Variants in LRRFIP1 observed in about 807,000 individuals in gnomAD.
The protein encoded by LRRFIP1 is LRR binding FLII interacting protein 1.
Under a neutral mutation model 104.4 loss-of-function variants are expected in LRRFIP1, and 62 were observed. The ratio of observed to expected loss-of-function variants is 0.59; its 90% CI spans 0.48 to 0.73. The LOEUF (loss-of-function observed/expected upper bound fraction) is 0.73. Ranked by LOEUF, LRRFIP1 falls within the 30% of genes least tolerant of loss-of-function variation. The pLI, the probability that LRRFIP1 is intolerant of heterozygous loss-of-function variation, is 0.00. For synonymous variants in LRRFIP1, 300 were observed against 299.0 expected, an observed-to-expected ratio of 1.00 and a Z score of -0.03; for missense variants, 796 against 824.5, an observed-to-expected ratio of 0.97 and a Z score of 0.42.
In LRRFIP1 at chr2:237,748,290, T is replaced by C. The variant is rs1576202237; in HGVS notation, c.634-74T>C. 48 of 1,086,010 alleles carry C rather than the reference T, an allele frequency of 4.4e-5. 1 individual carries two copies. The East Asian group carries it at 1.1e-3, about 26-fold the overall frequency. The allele number at this position is 1,086,010 out of a possible 1,614,324, so 67.3% of individuals were successfully genotyped here. A position where few individuals can be genotyped will look rare whatever the true frequency, so the allele number is the denominator to read the frequency against. On this transcript the variant is annotated intron_variant, in intron 11 of 23. Transcript: ENST00000308482. The stretch of plus-strand genomic sequence containing the variant: ...ATGTTTTGTTTTGTTTTGTTTATCA[T>C]TCATAGCCCCATCTTCATGTTATCC...
intron 1 of LRRFIP1, among the ~76,000 whole-genome samples, chr2:237,640,786 C>T (rs960894464): frequency 2.6e-5 from 4 of 152,236 alleles, no homozygotes; most frequent in Middle Eastern, 6.3e-3. Context: ...CCAGAAAGTA[C>T]TGTGTGGCCC....
Position 237,780,603 on chromosome 2 carries a change from T to C in LRRFIP1, c.*1071T>C, listed in dbSNP as rs951525276. ...GTTCATATATGTTGTATTTCAAGTA[T>C]GGCTGGTGAAGCCAGTCAGCTTTTC... On this transcript the variant is annotated 3_prime_UTR_variant, in exon 24 of 24. Transcript: ENST00000308482. Among the ~76,000 whole-genome samples the C allele has an allele frequency of 3.3e-5, 5 of 152,210 alleles. No homozygotes were observed. The highest frequency in any genetic ancestry group is 7.2e-5 in the African/African-American group (3 of 41,458).
chr2:237,739,896 G>A (rs1021065379), intron 11 of LRRFIP1, among the ~76,000 whole-genome samples: 4 of 152,132 alleles, frequency 2.6e-5, no homozygotes, highest in African/African-American at 9.7e-5. Context: ...GATGCTTGAA[G>A]GCGACCCTAT....
chr2:237,745,339 C>T lies in LRRFIP1; in HGVS notation c.634-3025C>T, dbSNP rs1003629112. Among the ~76,000 whole-genome samples, 24 of 152,286 alleles carry T rather than the reference C, an allele frequency of 1.6e-4. No individual in the cohort carries two copies. In the South Asian group the frequency reaches 1.7e-3, roughly 11 times the overall value. ...CTATGTAAAATAGAGATAGGTTAGA[C>T]GTTCATTTGCCATCACCTTTCAACA... On this transcript the variant is annotated intron_variant, in intron 11 of 23. Coordinates refer to ENST00000308482, the MANE Select transcript of LRRFIP1 (RefSeq NM_001137550.2).
chr2:237,670,706 T>G (rs571512017), intron 1 of LRRFIP1, among the ~76,000 whole-genome samples: 1 of 152,318 alleles, frequency 6.6e-6, no homozygotes, highest in African/African-American at 2.4e-5. Flanking sequence ...CCTGCCTGCC[T>G]GGGCCCAGCT....
intron 13 of LRRFIP1, among the ~76,000 whole-genome samples, chr2:237,750,556 T>C (rs1424685273): frequency 6.6e-6 from 1 of 152,008 alleles, no homozygotes; most frequent in East Asian, 1.9e-4. Context: ...AGGCTGGTCT[T>C]GAACTCCTGA....
Position 237,779,756 on chromosome 2 carries a change from C to T in LRRFIP1, c.*224C>T, listed in dbSNP as rs1018151595. On this transcript the variant is annotated 3_prime_UTR_variant, in exon 24 of 24. Transcript: ENST00000308482. ...CCCCTGGCCCGGGCTGGCGCCGACG[C>T]TCAGAACCTGCAGGTACTTCATAAG... 2 of 432,662 alleles carry T rather than the reference C, an allele frequency of 4.6e-6. No individual in the cohort carries two copies. Among genetic ancestry groups the T allele is most frequent in the Non-Finnish European group, 4.3e-6 (1 of 233,678 alleles). 26.8% of individuals were successfully genotyped at this position (432,662 alleles called of 1,614,324 possible).
intron 13 of LRRFIP1, among the ~76,000 whole-genome samples, chr2:237,750,571 A>G (rs1265884242): frequency 6.6e-6 from 1 of 151,738 alleles, no homozygotes; most frequent in South Asian, 2.1e-4. Context: ...TCCTGACCTC[A>G]GGTGATCCAC....
intron 1 of LRRFIP1, among the ~76,000 whole-genome samples, chr2:237,685,114 C>T (rs983754904): frequency 6.9e-6 from 1 of 144,040 alleles, no homozygotes; most frequent in Non-Finnish European, 1.5e-5. Flanking sequence ...ACCCTCCCCC[C>T]CCCACACAAA....
At chr2:237,726,174 G>A (rs75950009) in intron 7 of LRRFIP1, among the ~76,000 whole-genome samples, 2,017 of 152,228 alleles carry the variant, frequency 0.013, 27 homozygotes, top group African/African-American at 0.044. Flanking sequence ...ATTTATTTCA[G>A]AAATGTTTTA....
At chr2:237,697,959 C>T (rs911092843) in intron 1 of LRRFIP1, among the ~76,000 whole-genome samples, 1 of 152,210 alleles carries the variant, frequency 6.6e-6, no homozygotes, top group Non-Finnish European at 1.5e-5. Context: ...TAGAAGTTCA[C>T]TTGCATGGAA....
chr2:237,630,103 C>T (rs1402974920), intron 1 of LRRFIP1, among the ~76,000 whole-genome samples: 2 of 152,192 alleles, frequency 1.3e-5, no homozygotes, highest in Admixed American at 6.5e-5. Flanking sequence ...TTCTTACACG[C>T]CCCTCCCGGT....
At chr2:237,772,770 T>C in intron 21 of LRRFIP1, 96 bp from the exon 22 acceptor site, 1 of 834,102 alleles carries the variant, frequency 1.2e-6, no homozygotes, top group African/African-American at 1.7e-5. Context: ...ATTTGTGAGA[T>C]GATTACAAAG....
intron 1 of LRRFIP1, among the ~76,000 whole-genome samples, chr2:237,668,012 T>C (rs1199351035): frequency 6.6e-6 from 1 of 152,084 alleles, no homozygotes; most frequent in Admixed American, 6.5e-5. Context: ...CCCAGACCCT[T>C]CTTTTGAACT....
intron 1 of LRRFIP1, chr2:237,692,427 G>T: frequency 6.7e-7 from 1 of 1,490,626 alleles, no homozygotes; most frequent in Non-Finnish European, 9.0e-7. Context: ...AGCATTTCCC[G>T]CCGGGTGGAG....
chr2:237,762,870 T>C, intron 19 of LRRFIP1: 1 of 1,614,114 alleles, frequency 6.2e-7, no homozygotes, highest in Non-Finnish European at 8.5e-7. Context: ...GAAAACACAG[T>C]ACAGGTTGAG....
intron 1 of LRRFIP1, among the ~76,000 whole-genome samples, chr2:237,650,305 G>A (rs960262385): frequency 1.3e-5 from 2 of 151,948 alleles, no homozygotes; most frequent in African/African-American, 4.8e-5. Flanking sequence ...TGAGCAGAGA[G>A]ATCCGAAGGA....
chr2:237,632,816 A>C (rs2082579971), intron 1 of LRRFIP1, among the ~76,000 whole-genome samples: 4 of 152,248 alleles, frequency 2.6e-5, no homozygotes, highest in Admixed American at 2.6e-4. Context: ...AAAGATGCAA[A>C]TCTGGGTCCC....
chr2:237,631,437 G>A (rs1041915980), intron 1 of LRRFIP1, among the ~76,000 whole-genome samples: 6 of 152,320 alleles, frequency 3.9e-5, no homozygotes, highest in South Asian at 2.1e-4. Context: ...CTAGGCAAGC[G>A]TGTATAGTAA....
Sources: gnomAD v4.1 joint callset for allele counts (sites outside exome capture counted in the v4.1 genomes callset) on GRCh38, gnomAD v4.1.1 for gene constraint, MANE v1.5 for transcripts, NCBI Gene and HGNC (gene_info 2026-07-23, HGNC 2026-07-21) for gene names.